NME7: variants seen among roughly 807,000 people sequenced by gnomAD.
NME7 encodes the protein nucleoside diphosphate kinase 7.
A neutral mutation model predicts 49.1 loss-of-function variants in NME7; 41 were observed. That is an observed-to-expected ratio of 0.83 (90% CI 0.65 to 1.08). NME7 has a LOEUF of 1.08. NME7 is among the 50% of genes least tolerant of loss of function. NME7 has a pLI of 0.00. For synonymous variants in NME7, 139 were observed against 150.6 expected (o/e 0.92, Z 0.56); for missense variants, 423 against 463.4 (o/e 0.91, Z 0.80).
At chr1:169,331,465 C>T (rs769842833) in intron 1 of NME7, among the ~76,000 whole-genome samples, 3 of 152,060 alleles carry the variant, frequency 2.0e-5, no homozygotes, top group Non-Finnish European at 4.4e-5. Context: ...AATGGAAGTC[C>T]TAGCTAGAAC....
rs1196323067 is a variant in NME7, at chr1:169,323,230, C to T, written c.165G>A (p.Leu55=). The change falls in exon 3 of 12, where the codon CTG becomes CTA. Residue 55 remains leucine, a synonymous_variant. Transcript: ENST00000367811. The part of the protein sequence containing the change: ...TFLKRTKYDN[L]HLEDLFIGNK... ...TGCCTATAAATAAATCTTCCAAGTG[C>T]AGGTTATCATATTTGGTCCGCTTTA... The T allele has an allele frequency of 6.2e-7, 1 of 1,607,670 alleles. No individual in the cohort carries two copies.
At chr1:169,160,749 A>G (rs993238006) in intron 11 of NME7, among the ~76,000 whole-genome samples, 1 of 152,172 alleles carries the variant, frequency 6.6e-6, no homozygotes, top group Non-Finnish European at 1.5e-5. Flanking sequence ...TTTTTAGATT[A>G]TTAGATTTTG....
At chr1:169,178,001 T>G (rs571655387) in intron 10 of NME7, among the ~76,000 whole-genome samples, 1 of 151,782 alleles carries the variant, frequency 6.6e-6, no homozygotes, top group Non-Finnish European at 1.5e-5. Context: ...CACACCCAGC[T>G]AATTTTTTTT....
intron 10 of NME7, among the ~76,000 whole-genome samples, chr1:169,199,566 G>A (rs10919093): frequency 1.1e-4 from 16 of 150,928 alleles, no homozygotes; most frequent in East Asian, 9.7e-4. Context: ...TGATCCTCCC[G>A]CCTCAGCCTC....
chr1:169,236,999 C>T (rs34651513), intron 8 of NME7, among the ~76,000 whole-genome samples: 10,649 of 151,952 alleles, frequency 0.07, 1,487 homozygotes, highest in East Asian at 0.67. Context: ...TCAAATGTAC[C>T]GATGAGTACA....
At chr1:169,283,250 CA>C (rs1650111663) in intron 7 of NME7, among the ~76,000 whole-genome samples, 1 of 152,084 alleles carries the variant, frequency 6.6e-6, no homozygotes, top group African/African-American at 2.4e-5. Context: ...TCTGTTTTAT[CA>C]GAGATTCGGA....
At chr1:169,133,919 TTTAAGGCTGCTA>T (rs1364434508) in intron 11 of NME7, among the ~76,000 whole-genome samples, 1 of 152,220 alleles carries the variant, frequency 6.6e-6, no homozygotes, top group African/African-American at 2.4e-5. Flanking sequence ...ATTTTGCATT[TTTAAGGCTGCTA>T]TAAGGTCACG....
chr1:169,329,218 T>A (rs532771288), intron 1 of NME7, among the ~76,000 whole-genome samples: 1 of 152,070 alleles, frequency 6.6e-6, no homozygotes, highest in South Asian at 2.1e-4. Context: ...TTCACTTTAC[T>A]TTCTCTCCCA....
intron 11 of NME7, among the ~76,000 whole-genome samples, chr1:169,158,358 T>A (rs1369195551): frequency 1.3e-5 from 2 of 152,244 alleles, no homozygotes; most frequent in Non-Finnish European, 2.9e-5. Context: ...CAGAACGGCA[T>A]ACAATTTAAA....
intron 1 of NME7, among the ~76,000 whole-genome samples, chr1:169,329,982 A>G (rs1364637252): frequency 1.3e-5 from 2 of 152,204 alleles, no homozygotes; most frequent in East Asian, 3.9e-4. Flanking sequence ...GCTCCAATAC[A>G]TCTAGCAACA....
chr1:169,172,189 T>A (rs953713468), intron 10 of NME7, among the ~76,000 whole-genome samples: 10 of 151,928 alleles, frequency 6.6e-5, no homozygotes, highest in Admixed American at 2.0e-4. Context: ...GGAGCAGTTC[T>A]CTCCTGCACG....
intron 10 of NME7, among the ~76,000 whole-genome samples, chr1:169,180,955 C>G (rs935559792): frequency 6.6e-5 from 10 of 152,024 alleles, no homozygotes; most frequent in Non-Finnish European, 1.3e-4. Flanking sequence ...AATAGTAGCT[C>G]TCTCCCAGGA....
At chr1:169,211,425 A>T (rs1660814422) in intron 10 of NME7, among the ~76,000 whole-genome samples, 1 of 152,188 alleles carries the variant, frequency 6.6e-6, no homozygotes, top group South Asian at 2.1e-4. Context: ...ACAAGTAATC[A>T]TGATATAGGA....
At chr1:169,357,431 G>A (rs1173950625) in intron 1 of NME7, among the ~76,000 whole-genome samples, 1 of 151,968 alleles carries the variant, frequency 6.6e-6, no homozygotes, top group Non-Finnish European at 1.5e-5. Context: ...TTCTAATAAT[G>A]CATGCCACAA....
chr1:169,212,346 CAT>C (rs1048329703), intron 10 of NME7, among the ~76,000 whole-genome samples: 1 of 151,920 alleles, frequency 6.6e-6, no homozygotes, highest in African/African-American at 2.4e-5. Flanking sequence ...TGTTAAAAAA[CAT>C]AGAAAATATA....
chr1:169,186,963 T>C (rs895188837), intron 10 of NME7, among the ~76,000 whole-genome samples: 4 of 152,202 alleles, frequency 2.6e-5, no homozygotes, highest in African/African-American at 7.2e-5. Context: ...TTTGTTCTCA[T>C]TGGTTTCAAA....
chr1:169,320,587 A>G (rs1249448816), intron 3 of NME7, among the ~76,000 whole-genome samples: 1 of 152,198 alleles, frequency 6.6e-6, no homozygotes, highest in East Asian at 1.9e-4. Flanking sequence ...ACATATTTCC[A>G]TATGCTTACT....
chr1:169,221,280 A>T (rs1031816714), intron 10 of NME7, among the ~76,000 whole-genome samples: 1 of 152,166 alleles, frequency 6.6e-6, no homozygotes, highest in African/African-American at 2.4e-5. Flanking sequence ...AGTAACAATG[A>T]TTCTTTTAAA....
At chr1:169,278,643 T>C (rs1384356592) in intron 7 of NME7, among the ~76,000 whole-genome samples, 2 of 152,216 alleles carry the variant, frequency 1.3e-5, no homozygotes, top group South Asian at 2.1e-4. Flanking sequence ...TTTCCTCCTA[T>C]AGCTTGCAGT....
Sources: gnomAD v4.1 joint callset for allele counts (sites outside exome capture counted in the v4.1 genomes callset) on GRCh38, gnomAD v4.1.1 for gene constraint, MANE v1.5 for transcripts, NCBI Gene and HGNC (gene_info 2026-07-23, HGNC 2026-07-21) for gene names.